Variants in PVT1 observed in about 807,000 individuals in gnomAD.
The protein encoded by PVT1 is CXCR4/PVT1 fusion.
intron 3 of PVT1, among the ~76,000 whole-genome samples, chr8:127,920,072 C>T (rs1013484042): frequency 6.6e-6 from 1 of 152,164 alleles, no homozygotes; most frequent in Non-Finnish European, 1.5e-5. Flanking sequence ...TTGAGGGGGT[C>T]CTGTGTTATC....
chr8:127,875,822 C>G (rs923112527), intron 2 of PVT1, among the ~76,000 whole-genome samples: 2 of 152,232 alleles, frequency 1.3e-5, no homozygotes, highest in African/African-American at 4.8e-5. Flanking sequence ...GTGCTCAGCA[C>G]AGAATGGAGC....
At chr8:127,820,291 T>C (rs545279302) in intron 2 of PVT1, among the ~76,000 whole-genome samples, 1 of 152,304 alleles carries the variant, frequency 6.6e-6, no homozygotes, top group Admixed American at 6.5e-5. Flanking sequence ...GCCCAGAAAC[T>C]GATAGCTGCA....
At chr8:127,918,097 T>A (rs192552850) in intron 3 of PVT1, among the ~76,000 whole-genome samples, 277 of 152,290 alleles carry the variant, frequency 1.8e-3, no homozygotes, top group Middle Eastern at 6.8e-3. Context: ...CAGCGCTGCC[T>A]TTCATCTCTG....
chr8:127,939,687 T>A (rs146309420), intron 3 of PVT1: 1 of 152,338 alleles, frequency 6.6e-6, no homozygotes, highest in East Asian at 1.9e-4. Flanking sequence ...GTAAGTGGCT[T>A]ACCTGAGGCC....
Position 128,044,010 on chromosome 8 carries a change from TA to T in PVT1, n.913-26149del, listed in dbSNP as rs199620599. 8.2e-3 allele frequency among the ~76,000 whole-genome samples: 265 copies of T among 32,344 alleles called. 1 individual carries two copies. The highest frequency in any genetic ancestry group is 0.021 in the African/African-American group (241 of 11,228). 21.2% of individuals were successfully genotyped at this position (32,344 alleles called of 152,430 possible). A position where few individuals can be genotyped will look rare whatever the true frequency, so the allele number is the denominator to read the frequency against. On this transcript the variant is annotated intron_variant and non_coding_transcript_variant, in intron 4 of 10. Transcript: ENST00000651587. Reference sequence around the variant, plus strand: ...CCCGGTTAATTTTTTTATTATTATTTATTTATTTTTTTTTTTTTTTGTAGAG... The same window carrying T: ...CCCGGTTAATTTTTTTATTATTATTTTTTATTTTTTTTTTTTTTTGTAGAG...
At chr8:127,826,014 C>CTTTTTTTTTTTTTTTTTT (rs57575268) in intron 2 of PVT1, among the ~76,000 whole-genome samples, 2 of 89,696 alleles carry the variant, frequency 2.2e-5, no homozygotes, top group African/African-American at 4.6e-5. Context: ...CCATGCCCAG[C>CTTTTTTTTTTTTTTTTTT]TTTTTTTTTT....
At chr8:127,949,379 C>CTGTGTGTGCGTG (rs71566654) in intron 3 of PVT1, among the ~76,000 whole-genome samples, 1 of 111,258 alleles carries the variant, frequency 9.0e-6, no homozygotes, top group Non-Finnish European at 1.8e-5. Context: ...ACTCCAGGAG[C>CTGTGTGTGCGTG]TGTGTGTGTG....
intron 4 of PVT1, among the ~76,000 whole-genome samples, chr8:128,024,443 T>G (rs899102314): frequency 6.6e-6 from 1 of 150,494 alleles, no homozygotes; most frequent in African/African-American, 2.5e-5. Flanking sequence ...GGCAACATGG[T>G]GAGACCCTGT....
intron 4 of PVT1, among the ~76,000 whole-genome samples, chr8:128,068,847 G>A (rs771000473): frequency 5.3e-5 from 8 of 152,186 alleles, no homozygotes; most frequent in African/African-American, 9.7e-5. Flanking sequence ...CTCCATTGCC[G>A]GTGGCAGCAT....
At chr8:128,074,864 A>G (rs1814064490) in intron 5 of PVT1, among the ~76,000 whole-genome samples, 1 of 152,228 alleles carries the variant, frequency 6.6e-6, no homozygotes, top group Non-Finnish European at 1.5e-5. Context: ...AGTTATTTTT[A>G]GAAACCCAAA....
At chr8:128,055,165 G>A (rs1190760628) in intron 4 of PVT1, among the ~76,000 whole-genome samples, 2 of 151,714 alleles carry the variant, frequency 1.3e-5, no homozygotes. Flanking sequence ...ACACACACAT[G>A]CACAGACACA....
At chr8:127,845,840 T>C (rs920825037) in intron 2 of PVT1, among the ~76,000 whole-genome samples, 1 of 152,168 alleles carries the variant, frequency 6.6e-6, no homozygotes, top group African/African-American at 2.4e-5. Flanking sequence ...TCAAAAGAGA[T>C]TTCCAAGGTG....
chr8:127,875,885 C>T (rs199852009), intron 2 of PVT1, among the ~76,000 whole-genome samples: 2 of 152,202 alleles, frequency 1.3e-5, no homozygotes, highest in East Asian at 1.9e-4. Context: ...AACCATCACT[C>T]GTATTCTTTT....
chr8:128,097,206 C>T (rs979614458), intron 6 of PVT1, among the ~76,000 whole-genome samples: 12 of 152,238 alleles, frequency 7.9e-5, no homozygotes, highest in African/African-American at 2.6e-4. Context: ...ACTAAAAATA[C>T]AAAAATTATC....
At chr8:127,824,229 ACT>A (rs1025631352) in intron 2 of PVT1, among the ~76,000 whole-genome samples, 11 of 152,214 alleles carry the variant, frequency 7.2e-5, no homozygotes, top group Non-Finnish European at 1.2e-4. Context: ...TGCATTTTAA[ACT>A]CTCAGTCAGC....
intron 4 of PVT1, among the ~76,000 whole-genome samples, chr8:128,040,534 G>A (rs562718808): frequency 1.9e-4 from 29 of 152,200 alleles, no homozygotes; most frequent in African/African-American, 7.0e-4. Context: ...GGAAGAAAGG[G>A]ATAAATTTGG....
intron 2 of PVT1, among the ~76,000 whole-genome samples, chr8:127,806,192 G>A (rs185880644): frequency 3.2e-4 from 48 of 152,302 alleles, no homozygotes; most frequent in Non-Finnish European, 5.9e-4. Flanking sequence ...GCTGGGCACC[G>A]TGGCTCATGC....
intron 2 of PVT1, among the ~76,000 whole-genome samples, chr8:127,810,059 AC>A (rs1295828540): frequency 6.6e-6 from 1 of 152,112 alleles, no homozygotes; most frequent in African/African-American, 2.4e-5. Flanking sequence ...CCCTGAGAAC[AC>A]CTGGGACAGA....
At chr8:127,795,108 A>G (rs1015881183) in intron 1 of PVT1, among the ~76,000 whole-genome samples, 2 of 152,130 alleles carry the variant, frequency 1.3e-5, no homozygotes, top group East Asian at 1.9e-4. Flanking sequence ...TCCTCCCTCC[A>G]TCCTTTGACC....
Sources: allele counts gnomAD v4.1 joint callset (sites outside exome capture counted in the v4.1 genomes callset), GRCh38; gene constraint gnomAD v4.1.1; transcripts MANE v1.5; gene names NCBI Gene and HGNC (gene_info 2026-07-23, HGNC 2026-07-21).